The following IL1RAP variants were observed in gnomAD, a reference collection of about 807,000 sequenced individuals.
IL1RAP encodes the protein interleukin 1 receptor accessory protein, also known as interleukin-1 receptor accessory protein.
In IL1RAP, 35 loss-of-function variants were observed where a neutral mutation model predicts 60.7. The observed-to-expected ratio is 0.58, with a 90% CI of 0.44 to 0.76. The LOEUF (loss-of-function observed/expected upper bound fraction) is 0.76. IL1RAP is among the 30% of genes least tolerant of loss of function. The pLI is 0.00. For missense variants in IL1RAP, 572 were observed against 693.9 expected, an observed-to-expected ratio of 0.82 and a Z score of 1.97; for synonymous variants, 268 against 250.9, an observed-to-expected ratio of 1.07 and a Z score of -0.64.
At chr3:190,589,369 G>A (rs960942192) in intron 3 of IL1RAP, among the ~76,000 whole-genome samples, 5 of 152,026 alleles carry the variant, frequency 3.3e-5, no homozygotes, top group African/African-American at 1.2e-4. Flanking sequence ...AGCTTTTGTT[G>A]CTTGCTTCAC....
chr3:190,545,229 C>T (rs1217038459), intron 1 of IL1RAP, among the ~76,000 whole-genome samples: 1 of 152,188 alleles, frequency 6.6e-6, no homozygotes, highest in Non-Finnish European at 1.5e-5. Flanking sequence ...GCCGATGTTG[C>T]TGACCCTGCA....
intron 7 of IL1RAP, 43 bp from the exon 8 acceptor site, chr3:190,627,280 T>G (rs775633560): frequency 1.4e-6 from 2 of 1,441,176 alleles, no homozygotes. Flanking sequence ...TTTTGTTTTG[T>G]TTTGTTTTTT....
chr3:190,548,934 A>G (rs1213291009), intron 1 of IL1RAP, among the ~76,000 whole-genome samples: 1 of 152,172 alleles, frequency 6.6e-6, no homozygotes, highest in African/African-American at 2.4e-5. Context: ...AGTTTTCACT[A>G]TGGCAGTATT....
chr3:190,536,050 G>A (rs372796285), intron 1 of IL1RAP, among the ~76,000 whole-genome samples: 13 of 152,052 alleles, frequency 8.5e-5, no homozygotes, highest in South Asian at 2.1e-4. Context: ...ATTGAAATAC[G>A]TAAGACTCTA....
chr3:190,599,049 G>A (rs1729623867), intron 3 of IL1RAP, among the ~76,000 whole-genome samples: 1 of 152,030 alleles, frequency 6.6e-6, no homozygotes, highest in Non-Finnish European at 1.5e-5. Context: ...CACTGTTAAT[G>A]ACATCAGATA....
chr3:190,567,349 T>C (rs147441346), intron 3 of IL1RAP, among the ~76,000 whole-genome samples: 150 of 152,330 alleles, frequency 9.8e-4, no homozygotes, highest in Middle Eastern at 3.4e-3. Context: ...TATAATGTGC[T>C]AGTTATAGTA....
intron 4 of IL1RAP, among the ~76,000 whole-genome samples, chr3:190,607,731 G>GT (rs1185117720): frequency 6.6e-6 from 1 of 152,206 alleles, no homozygotes; most frequent in East Asian, 1.9e-4. Context: ...TTATGTGTTT[G>GT]TTTTTTTCCT....
At chr3:190,587,963 A>G (rs1728609696) in intron 3 of IL1RAP, among the ~76,000 whole-genome samples, 1 of 152,160 alleles carries the variant, frequency 6.6e-6, no homozygotes, top group South Asian at 2.1e-4. Flanking sequence ...CATCTAAACT[A>G]TACATTACTA....
intron 3 of IL1RAP, among the ~76,000 whole-genome samples, chr3:190,576,804 A>G (rs1461470788): frequency 1.3e-5 from 2 of 152,196 alleles, no homozygotes; most frequent in Non-Finnish European, 2.9e-5. Context: ...ATGCTCAAAA[A>G]CTATATTTTT....
intron 2 of IL1RAP, among the ~76,000 whole-genome samples, chr3:190,557,560 T>C (rs1253643013): frequency 6.6e-6 from 1 of 152,192 alleles, no homozygotes; most frequent in Non-Finnish European, 1.5e-5. Context: ...TTAGCAGTAC[T>C]GGCTTGGTAA....
chr3:190,601,429 C>T (rs1729850648), intron 3 of IL1RAP, among the ~76,000 whole-genome samples: 1 of 152,194 alleles, frequency 6.6e-6, no homozygotes. Flanking sequence ...AATTATTTCT[C>T]TGTATGTTTT....
At chr3:190,524,733 A>G (rs1374568664) in intron 1 of IL1RAP, among the ~76,000 whole-genome samples, 2 of 152,222 alleles carry the variant, frequency 1.3e-5, no homozygotes, top group South Asian at 2.1e-4. Flanking sequence ...GGAGGCAATG[A>G]TACATAAATA....
chr3:190,599,818 G>C (rs1000269286), intron 3 of IL1RAP, among the ~76,000 whole-genome samples: 3 of 141,092 alleles, frequency 2.1e-5, no homozygotes, highest in Non-Finnish European at 4.6e-5. Context: ...TTTCTACTCT[G>C]CTTTTTAGGA....
chr3:190,634,785 G>A (rs57617422), intron 9 of IL1RAP, among the ~76,000 whole-genome samples: 106 of 149,190 alleles, frequency 7.1e-4, no homozygotes, highest in Admixed American at 2.0e-3. Flanking sequence ...GCGCGATCTC[G>A]GCTCACTGCA....
chr3:190,583,606 G>A (rs893801438), intron 3 of IL1RAP, among the ~76,000 whole-genome samples: 2 of 152,172 alleles, frequency 1.3e-5, no homozygotes, highest in Non-Finnish European at 2.9e-5. Context: ...AGTTACGCAA[G>A]GTACGAAGTG....
chr3:190,544,875 A>C (rs1307608985), intron 1 of IL1RAP, among the ~76,000 whole-genome samples: 1 of 152,208 alleles, frequency 6.6e-6, no homozygotes, highest in Non-Finnish European at 1.5e-5. Context: ...GTTTCTCTAA[A>C]CTGAGGGTGA....
chr3:190,617,422 G>C (rs1279364323), intron 5 of IL1RAP, among the ~76,000 whole-genome samples: 1 of 152,020 alleles, frequency 6.6e-6, no homozygotes, highest in African/African-American at 2.4e-5. Context: ...ATATGTTGTG[G>C]TCGGTTGCCA....
At chr3:190,617,712 A>G (rs1394990702) in intron 5 of IL1RAP, among the ~76,000 whole-genome samples, 1 of 152,172 alleles carries the variant, frequency 6.6e-6, no homozygotes, top group Non-Finnish European at 1.5e-5. Context: ...ATTTTTATCA[A>G]CAGTTTATTA....
intron 1 of IL1RAP, among the ~76,000 whole-genome samples, chr3:190,546,630 C>T (rs910296516): frequency 1.3e-5 from 2 of 152,180 alleles, no homozygotes; most frequent in Non-Finnish European, 2.9e-5. Flanking sequence ...TTATTATTCT[C>T]CCCATTTTGC....
Sources: allele counts gnomAD v4.1 joint callset (sites outside exome capture counted in the v4.1 genomes callset), GRCh38; gene constraint gnomAD v4.1.1; transcripts MANE v1.5; gene names NCBI Gene and HGNC (gene_info 2026-07-23, HGNC 2026-07-21).